The following CAMK2D variants were observed in gnomAD, a reference collection of about 807,000 sequenced individuals.
CAMK2D encodes calcium/calmodulin-dependent protein kinase type II subunit delta.
A neutral mutation model predicts 84.0 loss-of-function variants in CAMK2D; 37 were observed. That is an observed-to-expected ratio of 0.44 (90% CI 0.34 to 0.58). The LOEUF (loss-of-function observed/expected upper bound fraction) is 0.58. Among genes scored for constraint, CAMK2D ranks in the 20% least tolerant of loss-of-function variants. The pLI is 0.02. For missense variants in CAMK2D, 448 were observed against 652.5 expected, an observed-to-expected ratio of 0.69 and a Z score of 3.41; for synonymous variants, 202 against 212.5, an observed-to-expected ratio of 0.95 and a Z score of 0.43.
intron 2 of CAMK2D, among the ~76,000 whole-genome samples, chr4:113,708,005 C>T (rs72895982): frequency 0.05 from 7,676 of 152,162 alleles, 654 homozygotes; most frequent in African/African-American, 0.18. Flanking sequence ...GAAGATACAA[C>T]ACCATGAAAC....
chr4:113,659,365 C>A (rs1472566990), intron 3 of CAMK2D, among the ~76,000 whole-genome samples: 1 of 152,176 alleles, frequency 6.6e-6, no homozygotes, highest in Non-Finnish European at 1.5e-5. Flanking sequence ...ATGTTGTGGG[C>A]AAATGATGTC....
chr4:113,578,769 G>A lies in CAMK2D; in HGVS notation c.276-26673C>T, dbSNP rs945715435. Among the ~76,000 whole-genome samples the A allele has an allele frequency of 5.3e-5, 8 of 152,052 alleles. No individual in the cohort carries two copies. In the East Asian group the frequency reaches 5.8e-4, roughly 11 times the overall value. On this transcript the variant is annotated intron_variant, in intron 4 of 20. Coordinates refer to ENST00000511664, the MANE Select transcript of CAMK2D (RefSeq NM_001321571.2). The stretch of plus-strand genomic sequence containing the variant: ...ACACTTGCAAATTTTAAAAGTCATC[G>A]TAAGATTTTAACAGAGAAGGTTAAG...
intron 4 of CAMK2D, among the ~76,000 whole-genome samples, chr4:113,571,592 G>A (rs1276703419): frequency 1.3e-5 from 2 of 152,138 alleles, no homozygotes; most frequent in Admixed American, 6.5e-5. Context: ...AGTCAAACTC[G>A]GCTGGGCGCG....
At chr4:113,536,578 T>C (rs1382716961) in intron 7 of CAMK2D, among the ~76,000 whole-genome samples, 1 of 152,098 alleles carries the variant, frequency 6.6e-6, no homozygotes. Context: ...CAAGACAGGC[T>C]TGGGGAGAGG....
chr4:113,692,106 A>C (rs2099388717), intron 2 of CAMK2D, among the ~76,000 whole-genome samples: 1 of 152,176 alleles, frequency 6.6e-6, no homozygotes, highest in African/African-American at 2.4e-5. Context: ...CTAAGAGAAG[A>C]TTATCTCTAG....
intron 2 of CAMK2D, among the ~76,000 whole-genome samples, chr4:113,749,381 A>G (rs979477072): frequency 6.6e-6 from 1 of 151,186 alleles, no homozygotes; most frequent in African/African-American, 2.4e-5. Flanking sequence ...AAACAAGTAC[A>G]CTCTCCCTCA....
Position 113,761,583 on chromosome 4 carries a change from C to T in CAMK2D, c.-515G>A. The T allele has an allele frequency of 1.0e-6, 1 of 985,190 alleles. No individual in the cohort carries two copies. The allele number at this position is 985,190 out of a possible 1,614,324, so 61.0% of individuals were successfully genotyped here. On this transcript the variant is annotated 5_prime_UTR_variant, in exon 1 of 21. Transcript: ENST00000511664. Reference sequence around the variant, plus strand: ...GAGCCCAGCGGCCGCTGTCAGCAGGCTCAGGCGCGGGGCGCGCCGGGGCTC... The same window carrying T: ...GAGCCCAGCGGCCGCTGTCAGCAGGTTCAGGCGCGGGGCGCGCCGGGGCTC...
chr4:113,594,958 A>G (rs1370888022), intron 4 of CAMK2D, among the ~76,000 whole-genome samples: 1 of 152,168 alleles, frequency 6.6e-6, no homozygotes, highest in Non-Finnish European at 1.5e-5. Flanking sequence ...CAGTTTCCTC[A>G]GATCCAGGAA....
intron 3 of CAMK2D, among the ~76,000 whole-genome samples, chr4:113,658,371 T>A (rs2099211748): frequency 6.6e-6 from 1 of 152,074 alleles, no homozygotes. Context: ...TTAGGGCCCT[T>A]ATGCAGGCTA....
At chr4:113,608,516 C>T (rs1268635404) in intron 4 of CAMK2D, among the ~76,000 whole-genome samples, 1 of 152,068 alleles carries the variant, frequency 6.6e-6, no homozygotes, top group Non-Finnish European at 1.5e-5. Flanking sequence ...TTTCCATGGA[C>T]TTTGTTCTGA....
At chr4:113,638,912 A>G (rs1174968027) in intron 3 of CAMK2D, among the ~76,000 whole-genome samples, 2 of 152,168 alleles carry the variant, frequency 1.3e-5, no homozygotes, top group African/African-American at 4.8e-5. Flanking sequence ...GGCAGCTAAT[A>G]ACCTAGCTTT....
At chr4:113,529,188 A>G (rs1387435241) in intron 8 of CAMK2D, among the ~76,000 whole-genome samples, 2 of 152,182 alleles carry the variant, frequency 1.3e-5, no homozygotes, top group African/African-American at 4.8e-5. Flanking sequence ...GAAACTATAA[A>G]TATAGTGCCC....
At chr4:113,507,435 TTG>T (rs1366865557) in intron 13 of CAMK2D, among the ~76,000 whole-genome samples, 1 of 118,686 alleles carries the variant, frequency 8.4e-6, no homozygotes, top group Non-Finnish European at 1.9e-5. Context: ...TTTTGTTTGT[TTG>T]TTTTTTTTTT....
rs565112583 is a variant in CAMK2D at position 113,705,124 on chromosome 4, T to C, written c.161-43352A>G. On this transcript the variant is annotated intron_variant, in intron 2 of 20. Transcript: ENST00000511664. ...TGGGAGGCCAGGATCGAGACCATCC[T>C]GGCTAACATGGTGAAACCCTATCTC... Among the ~76,000 whole-genome samples, 117 of 149,734 alleles carry C rather than the reference T, an allele frequency of 7.8e-4. 2 individuals carry two copies. In the South Asian group the frequency reaches 0.024, roughly 31 times the overall value.
At chr4:113,759,229 T>C in intron 2 of CAMK2D, 91 bp downstream of exon 2, 2 of 728,038 alleles carry the variant, frequency 2.7e-6, no homozygotes, top group Non-Finnish European at 4.6e-6. Flanking sequence ...AAAGTTCAGT[T>C]ATAACTACAT....
intron 15 of CAMK2D, among the ~76,000 whole-genome samples, chr4:113,502,337 C>G (rs537391441): frequency 2.0e-5 from 3 of 151,480 alleles, no homozygotes; most frequent in Non-Finnish European, 4.4e-5. Flanking sequence ...CAACAACAAA[C>G]ATATTTCACA....
At chr4:113,760,227 A>G (rs1030370231) in intron 1 of CAMK2D, among the ~76,000 whole-genome samples, 1 of 152,124 alleles carries the variant, frequency 6.6e-6, no homozygotes, top group Non-Finnish European at 1.5e-5. Flanking sequence ...AACATCTCCA[A>G]GTAGTTCTGC....
intron 2 of CAMK2D, among the ~76,000 whole-genome samples, chr4:113,730,259 T>C (rs1334783692): frequency 6.6e-6 from 1 of 152,208 alleles, no homozygotes; most frequent in East Asian, 1.9e-4. Flanking sequence ...TTGTTAACCT[T>C]TTTTTCTAAG....
chr4:113,490,229 G>C (rs199747497), intron 16 of CAMK2D, among the ~76,000 whole-genome samples: 90,683 of 144,766 alleles, frequency 0.63, 29,986 homozygotes, highest in African/African-American at 0.83. Flanking sequence ...TGCTTATGTC[G>C]TGAATGGTAA....
Sources: gnomAD v4.1 joint callset for allele counts (sites outside exome capture counted in the v4.1 genomes callset) on GRCh38, gnomAD v4.1.1 for gene constraint, MANE v1.5 for transcripts, NCBI Gene and HGNC (gene_info 2026-07-23, HGNC 2026-07-21) for gene names.